The following EPHA6 variants were observed in gnomAD, a reference collection of about 807,000 sequenced individuals.
EPHA6 encodes ephrin type-A receptor 6.
A neutral mutation model predicts 112.0 loss-of-function variants in EPHA6; 50 were observed. The observed-to-expected ratio is 0.45, with a 90% CI of 0.36 to 0.56. The LOEUF (loss-of-function observed/expected upper bound fraction) is 0.56, where lower values mean the gene tolerates loss of function less well. Ranked by LOEUF, EPHA6 falls within the 20% of genes least tolerant of loss-of-function variation. EPHA6 has a pLI of 0.00. For missense variants in EPHA6, 1,280 were observed against 1,417.4 expected, an observed-to-expected ratio of 0.90 and a Z score of 1.56; for synonymous variants, 529 against 490.7, an observed-to-expected ratio of 1.08 and a Z score of -1.03.
chr3:97,364,190 G>C (rs1474699385), intron 5 of EPHA6, among the ~76,000 whole-genome samples: 1 of 152,000 alleles, frequency 6.6e-6, no homozygotes, highest in Non-Finnish European at 1.5e-5. Context: ...ATGAAAAAAA[G>C]AGTTCTGAAT....
At position 97,760,893 on chromosome 3, in the gene EPHA6, C is replaced by G. The variant is rs984499037; in HGVS notation, c.*12192C>G. The G allele has an allele frequency of 5.2e-6, 1 of 190,908 alleles. No individual in the cohort carries two copies. The highest frequency in any genetic ancestry group is 1.1e-5 in the Non-Finnish European group (1 of 90,964). The allele number at this position is 190,908 out of a possible 1,614,324, so 11.8% of individuals were successfully genotyped here. A position where few individuals can be genotyped will look rare whatever the true frequency, so the allele number is the denominator to read the frequency against. ...TATTTATTATTAATTAAGGATTTAA[C>G]TCTGTACCCATCTGCTCTTACAAAA... On this transcript the variant is annotated 3_prime_UTR_variant, in exon 18 of 18. Coordinates refer to ENST00000389672, the MANE Select transcript of EPHA6 (RefSeq NM_001080448.3).
At chr3:97,294,275 C>A (rs368561023) in intron 5 of EPHA6, among the ~76,000 whole-genome samples, 1 of 152,336 alleles carries the variant, frequency 6.6e-6, no homozygotes, top group Admixed American at 6.5e-5. Flanking sequence ...ATGCCTCCCC[C>A]ACTTCAGCCA....
intron 6 of EPHA6, among the ~76,000 whole-genome samples, chr3:97,414,493 T>TA (rs2087970363): frequency 6.6e-6 from 1 of 152,084 alleles, no homozygotes; most frequent in South Asian, 2.1e-4. Context: ...CTCTGATACT[T>TA]AAACTATTAC....
chr3:97,220,597 AG>A (rs1207370003), intron 3 of EPHA6, among the ~76,000 whole-genome samples: 2 of 152,190 alleles, frequency 1.3e-5, no homozygotes, highest in Non-Finnish European at 2.9e-5. Flanking sequence ...AGAAGGGGGA[AG>A]AGCCTCTTAT....
chr3:97,634,103 T>G (rs540970402), intron 13 of EPHA6, among the ~76,000 whole-genome samples: 3 of 152,204 alleles, frequency 2.0e-5, no homozygotes, highest in African/African-American at 7.2e-5. Context: ...GAATACAGGC[T>G]CTGTCATTGC....
At chr3:97,625,050 T>A (rs1478155951) in intron 13 of EPHA6, among the ~76,000 whole-genome samples, 1 of 151,560 alleles carries the variant, frequency 6.6e-6, no homozygotes, top group Non-Finnish European at 1.5e-5. Flanking sequence ...ATTTTATTTA[T>A]CTTTCTTCTA....
intron 3 of EPHA6, among the ~76,000 whole-genome samples, chr3:97,108,294 G>A (rs1012403141): frequency 1.3e-5 from 2 of 152,170 alleles, no homozygotes; most frequent in African/African-American, 4.8e-5. Context: ...TGGATAGCAA[G>A]TGTTCCCATT....
At chr3:96,950,563 CAATT>C (rs928546440) in intron 2 of EPHA6, among the ~76,000 whole-genome samples, 1 of 152,018 alleles carries the variant, frequency 6.6e-6, no homozygotes, top group Admixed American at 6.6e-5. Flanking sequence ...ACCAATGAAA[CAATT>C]AAGCAATGGA....
At chr3:97,537,133 T>C (rs532201940) in intron 11 of EPHA6, among the ~76,000 whole-genome samples, 6 of 152,266 alleles carry the variant, frequency 3.9e-5, no homozygotes, top group South Asian at 2.1e-4. Context: ...AACTTATAAT[T>C]TGTAAAGTAG....
chr3:97,601,289 A>T (rs1042862729), intron 12 of EPHA6, among the ~76,000 whole-genome samples: 4 of 152,164 alleles, frequency 2.6e-5, no homozygotes, highest in African/African-American at 9.7e-5. Flanking sequence ...TCTTCATGTA[A>T]ATCAGTATTT....
intron 13 of EPHA6, among the ~76,000 whole-genome samples, chr3:97,631,367 G>T (rs1204103122): frequency 1.3e-5 from 2 of 151,838 alleles, no homozygotes; most frequent in Non-Finnish European, 2.9e-5. Flanking sequence ...TCCAGTGTTT[G>T]CATACCTTGG....
At chr3:97,171,269 A>G (rs771561707) in intron 3 of EPHA6, among the ~76,000 whole-genome samples, 1 of 152,198 alleles carries the variant, frequency 6.6e-6, no homozygotes, top group African/African-American at 2.4e-5. Context: ...TTCCAAATGC[A>G]TAGAAAGGAA....
chr3:96,822,406 A>G (rs2107225437), intron 1 of EPHA6, among the ~76,000 whole-genome samples: 1 of 151,908 alleles, frequency 6.6e-6, no homozygotes, highest in African/African-American at 2.4e-5. Context: ...AGTTCCTGAA[A>G]AATATATTGA....
chr3:97,315,386 A>G (rs756811401), intron 5 of EPHA6, among the ~76,000 whole-genome samples: 4 of 151,676 alleles, frequency 2.6e-5, no homozygotes, highest in Non-Finnish European at 4.4e-5. Flanking sequence ...CATAAAATAC[A>G]ATTATACACT....
chr3:97,630,785 C>CA, intron 13 of EPHA6, among the ~76,000 whole-genome samples: 1 of 152,034 alleles, frequency 6.6e-6, no homozygotes, highest in African/African-American at 2.4e-5. Context: ...TTGCCCCGGG[C>CA]AAAAATTTTA....
intron 5 of EPHA6, among the ~76,000 whole-genome samples, chr3:97,352,437 TCA>T (rs1166611797): frequency 6.6e-6 from 1 of 152,132 alleles, no homozygotes; most frequent in Non-Finnish European, 1.5e-5. Flanking sequence ...ACCACCTTTC[TCA>T]CATCCATCAG....
intron 6 of EPHA6, among the ~76,000 whole-genome samples, chr3:97,423,483 C>T (rs1321036024): frequency 1.3e-5 from 2 of 152,024 alleles, no homozygotes; most frequent in Non-Finnish European, 2.9e-5. Context: ...ATATAAAACG[C>T]TGCTCAAAAA....
At chr3:97,602,690 A>C (rs1018559454) in intron 12 of EPHA6, among the ~76,000 whole-genome samples, 2 of 152,108 alleles carry the variant, frequency 1.3e-5, no homozygotes, top group African/African-American at 4.8e-5. Context: ...GAGTTTAAAC[A>C]TGTAAAGCTC....
At chr3:97,378,781 C>T (rs994502627) in intron 5 of EPHA6, among the ~76,000 whole-genome samples, 23 of 152,096 alleles carry the variant, frequency 1.5e-4, no homozygotes, top group South Asian at 4.1e-4. Flanking sequence ...CCATGTAGAA[C>T]GGCTGTATTT....
Sources: allele counts gnomAD v4.1 joint callset (sites outside exome capture counted in the v4.1 genomes callset), GRCh38; gene constraint gnomAD v4.1.1; transcripts MANE v1.5; gene names NCBI Gene and HGNC (gene_info 2026-07-23, HGNC 2026-07-21).